The following COMMD1 variants were observed in gnomAD, a reference collection of about 807,000 sequenced individuals.
The protein encoded by COMMD1 is COMM domain-containing protein 1.
COMMD1 carries 10 observed loss-of-function variants against 17.2 expected under a neutral mutation model. That is an observed-to-expected ratio of 0.58 (90% CI 0.36 to 0.99). The LOEUF (loss-of-function observed/expected upper bound fraction) is 0.99, where lower values mean the gene tolerates loss of function less well. Ranked by LOEUF, COMMD1 falls within the 50% of genes least tolerant of loss-of-function variation. The pLI is 0.01. For missense variants in COMMD1, 270 were observed against 231.8 expected (o/e 1.17, Z -1.07); for synonymous variants, 97 against 91.6 (o/e 1.06, Z -0.34).
chr2:62,027,631 GTTA>G (rs1337405342), intron 2 of COMMD1, among the ~76,000 whole-genome samples: 1 of 145,166 alleles, frequency 6.9e-6, no homozygotes, highest in Non-Finnish European at 1.5e-5. Context: ...TTTATGTTAT[GTTA>G]TGTTATGTTA....
At chr2:62,047,556 A>G (rs953536582) in intron 2 of COMMD1, among the ~76,000 whole-genome samples, 2 of 151,508 alleles carry the variant, frequency 1.3e-5, no homozygotes, top group Non-Finnish European at 2.9e-5. Flanking sequence ...CTGGGTTCAA[A>G]TGATTTTCCT....
intron 2 of COMMD1, among the ~76,000 whole-genome samples, chr2:62,005,650 A>G (rs914194140): frequency 3.9e-5 from 6 of 152,218 alleles, no homozygotes; most frequent in Admixed American, 3.9e-4. Flanking sequence ...ATGAGATACC[A>G]TCTCACACCA....
intron 2 of COMMD1, among the ~76,000 whole-genome samples, chr2:62,123,820 G>T (rs1165655024): frequency 6.6e-6 from 1 of 151,926 alleles, no homozygotes; most frequent in East Asian, 1.9e-4. Context: ...TAAATCTCTT[G>T]ATTTTTAAGT....
intron 1 of COMMD1, among the ~76,000 whole-genome samples, chr2:61,946,768 T>C (rs1670918227): frequency 6.6e-6 from 1 of 152,188 alleles, no homozygotes; most frequent in Non-Finnish European, 1.5e-5. Context: ...CTCTTGTTTT[T>C]TTCTTCCACA....
In COMMD1 at chr2:62,038,537, A is replaced by G. The variant is rs1007026331; in HGVS notation, c.462+37555A>G. On this transcript the variant is annotated intron_variant, in intron 2 of 2. Transcript: ENST00000311832. ...TTTATTTTTTGATATTTTATTTTTT[A>G]TCATTTATTTATTTATTTATTTATT... 2.0e-5 allele frequency among the ~76,000 whole-genome samples: 3 copies of G among 150,658 alleles called. No homozygotes were observed. The South Asian group carries it at 6.3e-4, about 32-fold the overall frequency.
chr2:61,922,308 C>T (rs1031738463), intron 1 of COMMD1, among the ~76,000 whole-genome samples: 1 of 152,016 alleles, frequency 6.6e-6, no homozygotes, highest in Admixed American at 6.6e-5. Flanking sequence ...AGGATTGTGG[C>T]AGTTTTTTTG....
chr2:61,947,470 G>A (rs1010800740), intron 1 of COMMD1, among the ~76,000 whole-genome samples: 1 of 151,888 alleles, frequency 6.6e-6, no homozygotes, highest in Non-Finnish European at 1.5e-5. Flanking sequence ...ATCGCCTGAT[G>A]GTCAGGAGTT....
chr2:61,937,024 G>A (rs1670622829), intron 1 of COMMD1, among the ~76,000 whole-genome samples: 1 of 152,164 alleles, frequency 6.6e-6, no homozygotes, highest in South Asian at 2.1e-4. Flanking sequence ...CAGGTCATAC[G>A]TAGATTTAAA....
chr2:62,022,405 A>AGAT (rs1210813476), intron 2 of COMMD1, among the ~76,000 whole-genome samples: 1 of 146,438 alleles, frequency 6.8e-6, no homozygotes, highest in African/African-American at 2.5e-5. Context: ...ACTATAAGTT[A>AGAT]GATATTTTAG....
At chr2:62,044,475 T>C (rs1173612327) in intron 2 of COMMD1, among the ~76,000 whole-genome samples, 1 of 152,222 alleles carries the variant, frequency 6.6e-6, no homozygotes, top group Non-Finnish European at 1.5e-5. Flanking sequence ...TTTTTTAAGC[T>C]ACCAATTTAA....
intron 1 of COMMD1, among the ~76,000 whole-genome samples, chr2:61,914,558 C>A (rs752636459): frequency 1.3e-5 from 2 of 151,678 alleles, no homozygotes; most frequent in African/African-American, 4.8e-5. Flanking sequence ...GGGCGACAGA[C>A]GGGACTCTGT....
chr2:62,056,416 A>G (rs1670701309), intron 2 of COMMD1, among the ~76,000 whole-genome samples: 1 of 152,222 alleles, frequency 6.6e-6, no homozygotes, highest in Non-Finnish European at 1.5e-5. Context: ...TTCTTTTAGA[A>G]AAACAGTCAC....
intron 1 of COMMD1, among the ~76,000 whole-genome samples, chr2:61,896,873 G>C (rs1464201312): frequency 6.7e-6 from 1 of 149,102 alleles, no homozygotes; most frequent in Non-Finnish European, 1.5e-5. Context: ...GCCCAGGCTG[G>C]AGTGCAGTGG....
intron 1 of COMMD1, among the ~76,000 whole-genome samples, chr2:61,891,385 C>T (rs988686118): frequency 3.9e-5 from 6 of 152,164 alleles, no homozygotes; most frequent in African/African-American, 1.4e-4. Flanking sequence ...CATCGGCTTT[C>T]ATCAGAGTGT....
At chr2:61,912,124 G>C (rs1179959652) in intron 1 of COMMD1, among the ~76,000 whole-genome samples, 1 of 152,024 alleles carries the variant, frequency 6.6e-6, no homozygotes, top group African/African-American at 2.4e-5. Flanking sequence ...GTATTTATCA[G>C]CTTATTTATT....
intron 2 of COMMD1, among the ~76,000 whole-genome samples, chr2:62,055,187 T>C (rs1237591015): frequency 6.6e-6 from 1 of 152,228 alleles, no homozygotes; most frequent in Non-Finnish European, 1.5e-5. Context: ...TAAGTCGGGC[T>C]TTATTTTAGC....
At chr2:61,963,236 C>T (rs202052267) in intron 1 of COMMD1, among the ~76,000 whole-genome samples, 59 of 137,276 alleles carry the variant, frequency 4.3e-4, no homozygotes, top group African/African-American at 1.1e-3. Context: ...TACATATATA[C>T]ACACACACAC....
rs35477482 is a variant in COMMD1, at chr2:62,134,602, C to CA, written c.463-1214dup. On this transcript the variant is annotated intron_variant, in intron 2 of 2. Coordinates refer to ENST00000311832, the MANE Select transcript of COMMD1 (RefSeq NM_152516.4). ...GATCCTCCCCCTACCCCCATCTCTA[C>CA]AAAAAAAAAAAAAAATTTTTTTTTT... is the stretch of plus-strand genomic sequence containing the variant. 5.3e-3 allele frequency among the ~76,000 whole-genome samples: 692 copies of CA among 130,634 alleles called. 2 individuals carry two copies. Among genetic ancestry groups the CA allele is most frequent in the African/African-American group, 9.3e-3 (320 of 34,514 alleles). The allele number at this position is 130,634 out of a possible 152,430, so 85.7% of individuals were successfully genotyped here.
At chr2:61,914,551 C>T (rs1280763778) in intron 1 of COMMD1, among the ~76,000 whole-genome samples, 4 of 151,796 alleles carry the variant, frequency 2.6e-5, no homozygotes, top group Non-Finnish European at 4.4e-5. Context: ...CCAGCCTGGG[C>T]GACAGACGGG....
Sources: allele counts gnomAD v4.1 joint callset (sites outside exome capture counted in the v4.1 genomes callset), GRCh38; gene constraint gnomAD v4.1.1; transcripts MANE v1.5; gene names NCBI Gene and HGNC (gene_info 2026-07-23, HGNC 2026-07-21).